SCN2A: variants seen among roughly 807,000 people sequenced by gnomAD.
SCN2A encodes sodium voltage-gated channel alpha subunit 2, also known as sodium channel protein type 2 subunit alpha.
SCN2A carries 20 observed loss-of-function variants against 188.7 expected under a neutral mutation model. The observed-to-expected ratio is 0.11, with a 90% CI of 0.07 to 0.15. SCN2A has a LOEUF of 0.15. SCN2A is among the 10% of genes least tolerant of loss of function. SCN2A has a pLI of 1.00. For synonymous variants in SCN2A, 804 were observed against 833.1 expected, an observed-to-expected ratio of 0.97 and a Z score of 0.60; for missense variants, 1,278 against 2,445.0, an observed-to-expected ratio of 0.52 and a Z score of 10.07.
In SCN2A at chr2:165,326,097, T is replaced by C. The variant is rs142208415; in HGVS notation, c.2017-755T>C. On this transcript the variant is annotated intron_variant, in intron 12 of 26. Transcript: ENST00000375437. Reference sequence around the variant, plus strand: ...TTTTTTCCTGTGATAATTGACATCATTGTTTGATCTCCTGAAGTAGGAATA... The same window carrying C: ...TTTTTTCCTGTGATAATTGACATCACTGTTTGATCTCCTGAAGTAGGAATA... Among the ~76,000 whole-genome samples the C allele has an allele frequency of 4.7e-3, 723 of 152,274 alleles. 3 individuals carry two copies. Among genetic ancestry groups the C allele is most frequent in the Non-Finnish European group, 7.8e-3 (529 of 68,012 alleles).
intron 1 of SCN2A, among the ~76,000 whole-genome samples, chr2:165,251,002 A>G (rs1033859448): frequency 1.4e-4 from 22 of 152,232 alleles, no homozygotes; most frequent in South Asian, 1.0e-3. Flanking sequence ...GATTTAATAT[A>G]ATATTAAATA....
At chr2:165,293,931 C>T (rs1209962091) in intron 1 of SCN2A, 2 of 972,814 alleles carry the variant, frequency 2.1e-6, no homozygotes, top group East Asian at 1.2e-4. Context: ...TTTGTAGTCC[C>T]TGTACAGGAA....
At chr2:165,286,524 C>T (rs758358024) in intron 1 of SCN2A, among the ~76,000 whole-genome samples, 2 of 152,114 alleles carry the variant, frequency 1.3e-5, no homozygotes, top group Non-Finnish European at 2.9e-5. Flanking sequence ...ATGTGTTTGA[C>T]ATTGTATGTT....
intron 1 of SCN2A, among the ~76,000 whole-genome samples, chr2:165,277,157 G>C (rs1695383022): frequency 6.6e-6 from 1 of 152,068 alleles, no homozygotes; most frequent in South Asian, 2.1e-4. Context: ...AGAATCTGGA[G>C]GTTGAAAATA....
At position 165,391,800 on chromosome 2, in the gene SCN2A, G is replaced by C. The variant is rs1486908999; in HGVS notation, c.*1976G>C. 1 of 152,468 alleles carries C rather than the reference G, an allele frequency of 6.6e-6. No homozygotes were observed. Among genetic ancestry groups the C allele is most frequent in the African/African-American group, 2.4e-5 (1 of 41,436 alleles). 9.4% of individuals were successfully genotyped at this position (152,468 alleles called of 1,614,324 possible). ...TATTGACCCATATGGCACTAGAACT[G>C]TATCAGATATAATATGGGATCCCAG... is the stretch of plus-strand genomic sequence containing the variant. On this transcript the variant is annotated 3_prime_UTR_variant, in exon 27 of 27. Coordinates refer to ENST00000375437, the MANE Select transcript of SCN2A (RefSeq NM_001040142.2).
chr2:165,291,521 T>TTCCTTCC, intron 1 of SCN2A, among the ~76,000 whole-genome samples: 3 of 69,164 alleles, frequency 4.3e-5, no homozygotes, highest in African/African-American at 1.6e-4. Flanking sequence ...CTTCCTCTCC[T>TTCCTTCC]TTCTTTCCTT....
rs939015377 is a variant in SCN2A, at chr2:165,360,332, T to A, written c.3400-4811T>A. On this transcript the variant is annotated intron_variant, in intron 17 of 26. Coordinates refer to ENST00000375437, the MANE Select transcript of SCN2A (RefSeq NM_001040142.2). Reference sequence around the variant, plus strand: ...AAAGAAAAACTATTCATCTGGCACATTCATATTTAGTAGTATTATTAAAGC... The same window carrying A: ...AAAGAAAAACTATTCATCTGGCACAATCATATTTAGTAGTATTATTAAAGC... 5.3e-5 allele frequency among the ~76,000 whole-genome samples: 8 copies of A among 151,966 alleles called. No individual in the cohort carries two copies. The East Asian group carries it at 1.5e-3, about 29-fold the overall frequency.
chr2:165,373,296 A>T lies in SCN2A; in HGVS notation c.3921A>T (p.Thr1307=). The change falls in exon 21 of 27, where the codon ACA becomes ACT. Residue 1307 remains threonine (T), a synonymous_variant. Transcript: ENST00000375437. ...TTGGTGCCATCAAATCCCTCAGAAC[A>T]CTAAGAGCTCTGAGGCCACTGAGAG... ...SELGAIKSLR[T]LRALRPLRAL... 2 of 1,613,132 alleles carry T rather than the reference A, an allele frequency of 1.2e-6. No individual in the cohort carries two copies. The highest frequency in any genetic ancestry group is 2.2e-5 in the South Asian group (2 of 91,052).
intron 1 of SCN2A, among the ~76,000 whole-genome samples, chr2:165,259,071 G>A (rs754628702): frequency 6.6e-6 from 1 of 152,044 alleles, no homozygotes; most frequent in Non-Finnish European, 1.5e-5. Context: ...ATGTACCTCT[G>A]AACCTAAAAT....
At chr2:165,345,753 G>A (rs1401105685) in intron 16 of SCN2A, among the ~76,000 whole-genome samples, 1 of 152,112 alleles carries the variant, frequency 6.6e-6, no homozygotes, top group Non-Finnish European at 1.5e-5. Context: ...CTGTCATTAT[G>A]ATGCTAGCTG....
intron 1 of SCN2A, among the ~76,000 whole-genome samples, chr2:165,291,790 A>G (rs1696218876): frequency 6.6e-6 from 1 of 151,516 alleles, no homozygotes; most frequent in Admixed American, 6.6e-5. Flanking sequence ...CACAATGATA[A>G]CCCTGACTAC....
chr2:165,337,549 AAAC>A (rs1334886297), intron 14 of SCN2A, among the ~76,000 whole-genome samples: 1 of 152,144 alleles, frequency 6.6e-6, no homozygotes, highest in East Asian at 1.9e-4. Flanking sequence ...ATGCTGCTGA[AAAC>A]AACAATAACA....
chr2:165,325,590 T>G (rs1698312879), intron 12 of SCN2A, among the ~76,000 whole-genome samples: 1 of 152,174 alleles, frequency 6.6e-6, no homozygotes, highest in Non-Finnish European at 1.5e-5. Context: ...TGTGCTTCTG[T>G]GTAGAACAGA....
chr2:165,257,248 C>G (rs1694366641), intron 1 of SCN2A, among the ~76,000 whole-genome samples: 1 of 152,136 alleles, frequency 6.6e-6, no homozygotes. Flanking sequence ...GCTATTGCTG[C>G]AAAACTTGCT....
intron 1 of SCN2A, among the ~76,000 whole-genome samples, chr2:165,289,835 G>A (rs1372534174): frequency 6.6e-6 from 1 of 152,108 alleles, no homozygotes; most frequent in Non-Finnish European, 1.5e-5. Flanking sequence ...TCACTGGCTA[G>A]AATCAATGGG....
chr2:165,357,153 T>A (rs562612338), intron 17 of SCN2A, among the ~76,000 whole-genome samples: 1 of 152,280 alleles, frequency 6.6e-6, no homozygotes, highest in Admixed American at 6.5e-5. Context: ...TGAAAGAGGT[T>A]ATGTGTAGGT....
chr2:165,268,985 C>A (rs1032656696), intron 1 of SCN2A: 3 of 151,808 alleles, frequency 2.0e-5, no homozygotes, highest in African/African-American at 7.3e-5. Flanking sequence ...CCAGGGGCTA[C>A]TGGGTAGGGC....
intron 1 of SCN2A, among the ~76,000 whole-genome samples, chr2:165,288,254 G>A (rs1695938229): frequency 6.6e-6 from 1 of 152,128 alleles, no homozygotes; most frequent in Non-Finnish European, 1.5e-5. Flanking sequence ...CAGATTCAGT[G>A]ATTAACAATG....
chr2:165,327,179 C>A (rs7569869), intron 13 of SCN2A, 195 bp downstream of exon 13: 12 of 596,060 alleles, frequency 2.0e-5, no homozygotes, highest in Non-Finnish European at 3.2e-5. Flanking sequence ...TATTTAGCCT[C>A]CAGAAAGCTG....
Sources: gnomAD v4.1 joint callset for allele counts (sites outside exome capture counted in the v4.1 genomes callset) on GRCh38, gnomAD v4.1.1 for gene constraint, MANE v1.5 for transcripts, NCBI Gene and HGNC (gene_info 2026-07-23, HGNC 2026-07-21) for gene names.